Variants in GAB2 observed in about 807,000 individuals in gnomAD.
The protein encoded by GAB2 is GRB2 associated binding protein 2.
A neutral mutation model predicts 65.5 loss-of-function variants in GAB2; 26 were observed. The observed-to-expected ratio is 0.40, with a 90% confidence interval of 0.29 to 0.55. The LOEUF is 0.55. Among genes scored for constraint, GAB2 ranks in the 20% least tolerant of loss-of-function variants. GAB2 has a pLI of 0.53. For missense variants in GAB2, 884 were observed against 875.8 expected (o/e 1.01, Z -0.12); for synonymous variants, 321 against 329.6 (o/e 0.97, Z 0.28).
At chr11:78,281,693 T>C (rs777961557) in intron 1 of GAB2, among the ~76,000 whole-genome samples, 10 of 152,254 alleles carry the variant, frequency 6.6e-5, no homozygotes, top group Non-Finnish European at 1.3e-4. Flanking sequence ...TTGTGCAGCA[T>C]CTCACTATGT....
intron 1 of GAB2, among the ~76,000 whole-genome samples, chr11:78,310,235 G>A (rs868840837): frequency 7.2e-5 from 11 of 151,938 alleles, no homozygotes; most frequent in Admixed American, 1.3e-4. Flanking sequence ...GGGTGCGGTG[G>A]CTCACGCCTG....
intron 1 of GAB2, among the ~76,000 whole-genome samples, chr11:78,346,582 G>GAAGAC (rs1375795742): frequency 6.7e-5 from 10 of 149,224 alleles, no homozygotes; most frequent in South Asian, 4.3e-4. Context: ...CCTGAGAAGA[G>GAAGAC]AAGAGAAGAG....
intron 1 of GAB2, among the ~76,000 whole-genome samples, chr11:78,304,297 T>A (rs1348258252): frequency 6.6e-6 from 1 of 152,200 alleles, no homozygotes; most frequent in African/African-American, 2.4e-5. Context: ...AACATCACCA[T>A]TATCTAATTC....
chr11:78,403,961 G>A (rs754448512), intron 1 of GAB2, among the ~76,000 whole-genome samples: 4 of 152,056 alleles, frequency 2.6e-5, no homozygotes, highest in Non-Finnish European at 4.4e-5. Flanking sequence ...GATAACAGAC[G>A]CTGGGAAGGA....
At chr11:78,254,856 C>T (rs7129146) in intron 2 of GAB2, among the ~76,000 whole-genome samples, 5,128 of 151,616 alleles carry the variant, frequency 0.034, 276 homozygotes, top group African/African-American at 0.12. Flanking sequence ...AAAATTCTTT[C>T]AAAGCTGTTT....
At chr11:78,276,732 T>A (rs1052018281) in intron 2 of GAB2, among the ~76,000 whole-genome samples, 2 of 152,270 alleles carry the variant, frequency 1.3e-5, no homozygotes, top group African/African-American at 4.8e-5. Context: ...TAATGTAGTT[T>A]CCACATTTTC....
Position 78,280,698 on chromosome 11 carries a change from G to A in GAB2, c.279C>T (p.Arg93=), listed in dbSNP as rs1866311137. Residue 93 remains arginine, a synonymous_variant, in exon 2 of 10, where the codon CGC becomes CGT. Coordinates refer to ENST00000361507, the MANE Select transcript of GAB2 (RefSeq NM_080491.3). Reference sequence around the variant, plus strand: ...CTGTCTCAGCCACCAGGTAAAAGGTGCGTTCACTGGTCTTGATGTCAAACA... The same window carrying A: ...CTGTCTCAGCCACCAGGTAAAAGGTACGTTCACTGGTCTTGATGTCAAACA... ...SFVFDIKTSE[R]TFYLVAETEE... is the part of the protein sequence containing the mutation. The A allele has an allele frequency of 6.2e-7, 1 of 1,613,910 alleles. No individual in the cohort carries two copies. The highest frequency in any genetic ancestry group is 8.5e-7 in the Non-Finnish European group (1 of 1,179,806).
At chr11:78,417,563 G>T in intron 1 of GAB2, 83 bp downstream of exon 1, 2 of 688,776 alleles carry the variant, frequency 2.9e-6, no homozygotes, top group Non-Finnish European at 3.8e-6. Context: ...TCCCCAGCCT[G>T]CCGCCCCTCC....
In GAB2 at chr11:78,223,484, G is replaced by T; in HGVS notation, c.1495C>A (p.His499Asn). 6.2e-7 allele frequency: 1 copy of T among 1,606,722 alleles called. No individual in the cohort carries two copies. The highest frequency in any genetic ancestry group is 8.5e-7 in the Non-Finnish European group (1 of 1,175,842). Residue 499 changes from histidine (H) to asparagine (N), a missense_variant, in exon 6 of 10, where the codon CAC becomes AAC. Coordinates refer to ENST00000361507, the MANE Select transcript of GAB2 (RefSeq NM_080491.3). ...TCACTTCCTCTGCTGGGGCCTCGGTGCACAGGAAGGGTTGTTGATGGGTAG... is the reference window on the plus strand; with the variant it reads ...TCACTTCCTCTGCTGGGGCCTCGGTTCACAGGAAGGGTTGTTGATGGGTAG... The part of the protein sequence containing the change: ...LGYPSTTLPV[H>N]RGPSRGSEIQ...
chr11:78,323,790 CTTTTTTTTTTT>C (rs749282969), intron 1 of GAB2, among the ~76,000 whole-genome samples: 197 of 77,266 alleles, frequency 2.5e-3, no homozygotes, highest in Middle Eastern at 0.016. Flanking sequence ...CTGAATCTTT[CTTTTTTTTTTT>C]TTTTTTTTTT....
rs1292944772 is a variant in GAB2, at chr11:78,215,482, A to AACTT, written c.*3786_*3789dup. ...AAAGAATACAACAGAATAAATTAATAACTTAAGTGATTAGGCACCAACAGT... is the reference window on the plus strand; with the variant it reads ...AAAGAATACAACAGAATAAATTAATAACTTACTTAAGTGATTAGGCACCAACAGT... On this transcript the variant is annotated 3_prime_UTR_variant, in exon 10 of 10. Coordinates refer to ENST00000361507, the MANE Select transcript of GAB2 (RefSeq NM_080491.3). 3 of 152,676 alleles carry AACTT rather than the reference A, an allele frequency of 2.0e-5. No homozygotes were observed. The highest frequency in any genetic ancestry group is 6.5e-5 in the Admixed American group (1 of 15,294). 9.5% of individuals were successfully genotyped at this position (152,676 alleles called of 1,614,324 possible). A position where few individuals can be genotyped will look rare whatever the true frequency, so the allele number is the denominator to read the frequency against.
intron 2 of GAB2, among the ~76,000 whole-genome samples, chr11:78,268,169 A>G (rs1053779268): frequency 6.6e-6 from 1 of 152,188 alleles, no homozygotes; most frequent in South Asian, 2.1e-4. Flanking sequence ...CAATTGTTTC[A>G]TAAATTATTC....
chr11:78,335,305 C>T (rs1308369519), intron 1 of GAB2, among the ~76,000 whole-genome samples: 1 of 152,120 alleles, frequency 6.6e-6, no homozygotes, highest in African/African-American at 2.4e-5. Flanking sequence ...TACCACTTGC[C>T]ATTTTTTTCT....
At chr11:78,389,163 G>C (rs1377978148) in intron 1 of GAB2, among the ~76,000 whole-genome samples, 1 of 152,170 alleles carries the variant, frequency 6.6e-6, no homozygotes, top group Non-Finnish European at 1.5e-5. Context: ...TAAGTGCCAA[G>C]ATAGAGTCTC....
chr11:78,307,604 TAGAGAGAGAGAGAGAGAG>T (rs59402607), intron 1 of GAB2, among the ~76,000 whole-genome samples: 1 of 121,884 alleles, frequency 8.2e-6, no homozygotes, highest in Non-Finnish European at 1.6e-5. Flanking sequence ...CAAAAAATGT[TAGAGAGAGAGAGAGAGAG>T]AGAGAGAGAG....
At chr11:78,258,885 T>G (rs1865664308) in intron 2 of GAB2, among the ~76,000 whole-genome samples, 1 of 152,218 alleles carries the variant, frequency 6.6e-6, no homozygotes, top group South Asian at 2.1e-4. Context: ...CTTTTTAAAC[T>G]TTTAGGTTCA....
intron 1 of GAB2, among the ~76,000 whole-genome samples, chr11:78,353,962 C>A (rs1486744272): frequency 1.3e-5 from 2 of 152,196 alleles, no homozygotes; most frequent in Admixed American, 6.5e-5. Flanking sequence ...AGGCTCCCAG[C>A]CTAGAATTTG....
intron 1 of GAB2, among the ~76,000 whole-genome samples, chr11:78,333,356 C>G (rs1479771206): frequency 6.6e-6 from 1 of 152,180 alleles, no homozygotes; most frequent in African/African-American, 2.4e-5. Context: ...GCCTCGAATC[C>G]TGAGCTGAAG....
chr11:78,393,346 G>C (rs888906144), intron 1 of GAB2, among the ~76,000 whole-genome samples: 1 of 152,034 alleles, frequency 6.6e-6, no homozygotes, highest in South Asian at 2.1e-4. Context: ...CCAATTACAC[G>C]AATAAAGTGT....
Sources: gnomAD v4.1 joint callset for allele counts (sites outside exome capture counted in the v4.1 genomes callset) on GRCh38, gnomAD v4.1.1 for gene constraint, MANE v1.5 for transcripts, NCBI Gene and HGNC (gene_info 2026-07-23, HGNC 2026-07-21) for gene names.